Variants in NETO1 observed in about 807,000 individuals in gnomAD.
The protein encoded by NETO1 is neuropilin and tolloid like 1.
A neutral mutation model predicts 61.3 loss-of-function variants in NETO1; 26 were observed. The ratio of observed to expected loss-of-function variants is 0.42; its 90% confidence interval spans 0.31 to 0.59. NETO1 has a LOEUF of 0.59. Ranked by LOEUF, NETO1 falls within the 20% of genes least tolerant of loss-of-function variation. The pLI, the probability that NETO1 is intolerant of heterozygous loss-of-function variation, is 0.12. For synonymous variants in NETO1, 225 were observed against 225.8 expected, an observed-to-expected ratio of 1.00 and a Z score of 0.03; for missense variants, 531 against 662.8, an observed-to-expected ratio of 0.80 and a Z score of 2.18.
At chr18:72,757,698 T>A (rs921968553) in intron 7 of NETO1, among the ~76,000 whole-genome samples, 1 of 152,208 alleles carries the variant, frequency 6.6e-6, no homozygotes, top group African/African-American at 2.4e-5. Context: ...AAACCTTTCA[T>A]AATGTAAAAT....
At chr18:72,750,033 T>A (rs748386537) in intron 9 of NETO1, 29 bp downstream of exon 9, 8 of 1,487,438 alleles carry the variant, frequency 5.4e-6, no homozygotes, top group Non-Finnish European at 7.2e-6. Context: ...CAGGTTATAG[T>A]TGTCATCAAA....
intron 4 of NETO1, among the ~76,000 whole-genome samples, chr18:72,852,953 C>T (rs563850977): frequency 3.3e-5 from 5 of 150,834 alleles, no homozygotes; most frequent in African/African-American, 1.2e-4. Context: ...TCGCCTCAGT[C>T]TCCCGAGTAG....
chr18:72,744,577 T>A lies in NETO1; in HGVS notation c.*3602A>T, dbSNP rs920226922. On this transcript the variant is annotated 3_prime_UTR_variant, in exon 11 of 11. Transcript: ENST00000327305. The stretch of plus-strand genomic sequence containing the variant: ...GGAGGGAAAAGGGCACAGAGAAAAA[T>A]GGCACCGAAGCTAGCTCGCCTCAGT... 2.6e-5 allele frequency: 4 copies of A among 152,158 alleles called. No individual in the cohort carries two copies. The highest frequency in any genetic ancestry group is 5.9e-5 in the Non-Finnish European group (4 of 67,998). 9.4% of individuals were successfully genotyped at this position (152,158 alleles called of 1,614,324 possible).
chr18:72,791,012 C>T (rs2072097167), intron 6 of NETO1, among the ~76,000 whole-genome samples: 1 of 152,140 alleles, frequency 6.6e-6, no homozygotes, highest in African/African-American at 2.4e-5. Context: ...CATATGTCTA[C>T]ACTCCTTTGT....
rs2070394443 is a variant in NETO1, at chr18:72,744,664, T to A, written c.*3515A>T. ...TATTTATTTAGAATTCAAAGAATTT[T>A]AAAAATGTTGTTTATTTAACTTCCC... On this transcript the variant is annotated 3_prime_UTR_variant, in exon 11 of 11. Transcript: ENST00000327305. The A allele has an allele frequency of 1.3e-5, 2 of 152,172 alleles. No individual in the cohort carries two copies. The highest frequency in any genetic ancestry group is 1.5e-5 in the Non-Finnish European group (1 of 68,026). The allele number at this position is 152,172 out of a possible 1,614,324, so 9.4% of individuals were successfully genotyped here.
intron 3 of NETO1, among the ~76,000 whole-genome samples, chr18:72,864,379 T>C (rs1445631183): frequency 1.3e-5 from 2 of 152,218 alleles, no homozygotes; most frequent in Non-Finnish European, 2.9e-5. Context: ...GATTATAGAT[T>C]CATCTTTGAC....
chr18:72,778,466 T>C (rs1299241386), intron 7 of NETO1, among the ~76,000 whole-genome samples: 2 of 152,178 alleles, frequency 1.3e-5, no homozygotes, highest in Non-Finnish European at 2.9e-5. Flanking sequence ...TGACAGGCAG[T>C]CAGGAGTCAA....
intron 4 of NETO1, among the ~76,000 whole-genome samples, chr18:72,842,398 T>G (rs2073962687): frequency 6.6e-6 from 1 of 152,314 alleles, no homozygotes; most frequent in Middle Eastern, 3.4e-3. Context: ...TATTGATTAT[T>G]ATTTTTGATG....
At chr18:72,804,797 G>C (rs771065520) in intron 4 of NETO1, among the ~76,000 whole-genome samples, 5 of 152,092 alleles carry the variant, frequency 3.3e-5, no homozygotes, top group Non-Finnish European at 2.9e-5. Context: ...CGCACAGCTC[G>C]ACTACCTAAC....
At chr18:72,840,595 T>G (rs1479562776) in intron 4 of NETO1, among the ~76,000 whole-genome samples, 1 of 152,168 alleles carries the variant, frequency 6.6e-6, no homozygotes, top group Non-Finnish European at 1.5e-5. Flanking sequence ...ATGCATTATA[T>G]AACCCAACAG....
intron 6 of NETO1, among the ~76,000 whole-genome samples, chr18:72,785,073 T>C (rs1198282800): frequency 2.0e-5 from 3 of 152,250 alleles, no homozygotes; most frequent in Admixed American, 1.3e-4. Context: ...CTGAATATTT[T>C]ACATTTTATT....
At chr18:72,844,387 G>A (rs984520615) in intron 4 of NETO1, among the ~76,000 whole-genome samples, 6 of 151,846 alleles carry the variant, frequency 4.0e-5, no homozygotes, top group East Asian at 1.9e-4. Context: ...CTGATACATC[G>A]CACTCTTCCA....
chr18:72,833,131 C>T (rs376740410), intron 4 of NETO1, among the ~76,000 whole-genome samples: 4 of 152,156 alleles, frequency 2.6e-5, no homozygotes, highest in Admixed American at 2.6e-4. Flanking sequence ...TATTTAAATT[C>T]TCTGTAATCA....
chr18:72,839,464 A>AAC (rs751302913), intron 4 of NETO1, among the ~76,000 whole-genome samples: 1 of 152,320 alleles, frequency 6.6e-6, no homozygotes, highest in South Asian at 2.1e-4. Flanking sequence ...CTGAAGCTGC[A>AAC]ACACTCTTGG....
At chr18:72,841,671 T>C (rs1010983242) in intron 4 of NETO1, among the ~76,000 whole-genome samples, 4 of 129,486 alleles carry the variant, frequency 3.1e-5, no homozygotes, top group Non-Finnish European at 6.1e-5. Flanking sequence ...AAGGCGGAGG[T>C]TGCAGTGAGC....
At chr18:72,780,117 C>T (rs1258594600) in intron 7 of NETO1, among the ~76,000 whole-genome samples, 1 of 152,162 alleles carries the variant, frequency 6.6e-6, no homozygotes, top group African/African-American at 2.4e-5. Context: ...TGAAGGGGCG[C>T]CACAGAACCA....
chr18:72,782,234 T>A (rs2071767116), intron 7 of NETO1, among the ~76,000 whole-genome samples: 1 of 152,186 alleles, frequency 6.6e-6, no homozygotes, highest in Non-Finnish European at 1.5e-5. Flanking sequence ...CACATTTTCT[T>A]TATGCAGTCT....
Position 72,744,687 on chromosome 18 carries a change from C to T in NETO1, c.*3492G>A, listed in dbSNP as rs1369610958. On this transcript the variant is annotated 3_prime_UTR_variant, in exon 11 of 11. Coordinates refer to ENST00000327305, the MANE Select transcript of NETO1 (RefSeq NM_138966.5). ...TTTAAAAATGTTGTTTATTTAACTTCCCTTCAGAGAGGGAATCTGACATGA... is the reference window on the plus strand; with the variant it reads ...TTTAAAAATGTTGTTTATTTAACTTTCCTTCAGAGAGGGAATCTGACATGA... The T allele has an allele frequency of 6.6e-6, 1 of 152,090 alleles. No individual in the cohort carries two copies. Among genetic ancestry groups the T allele is most frequent in the Non-Finnish European group, 1.5e-5 (1 of 68,018 alleles). 9.4% of individuals were successfully genotyped at this position (152,090 alleles called of 1,614,324 possible).
At chr18:72,848,126 A>G (rs1196566471) in intron 4 of NETO1, among the ~76,000 whole-genome samples, 1 of 152,202 alleles carries the variant, frequency 6.6e-6, no homozygotes, top group African/African-American at 2.4e-5. Context: ...AAAAGCCAGG[A>G]TAATGTCCCT....
Sources: allele counts gnomAD v4.1 joint callset (sites outside exome capture counted in the v4.1 genomes callset), GRCh38; gene constraint gnomAD v4.1.1; transcripts MANE v1.5; gene names NCBI Gene and HGNC (gene_info 2026-07-23, HGNC 2026-07-21).